The following MEGF6 variants were observed in gnomAD, a reference collection of about 807,000 sequenced individuals.
MEGF6 encodes the protein multiple EGF like domains 6, also known as multiple epidermal growth factor-like domains protein 6.
MEGF6 carries 184 observed loss-of-function variants against 207.1 expected under a neutral mutation model. That is an observed-to-expected ratio of 0.89 (90% CI 0.79 to 1.00). The LOEUF is 1.00. Among genes scored for constraint, MEGF6 ranks in the 50% least tolerant of loss-of-function variants. MEGF6 has a pLI of 0.00. For synonymous variants in MEGF6, 1,038 were observed against 910.0 expected (o/e 1.14, Z -2.53); for missense variants, 2,282 against 2,202.9 (o/e 1.04, Z -0.72).
At position 3,501,162 on chromosome 1, in the gene MEGF6, C is replaced by T. The variant is rs1640845862; in HGVS notation, c.2446+15G>A. On this transcript the variant is annotated intron_variant, in intron 19 of 36. Coordinates refer to ENST00000356575, the MANE Select transcript of MEGF6 (RefSeq NM_001409.4). ...CCCCAGGTCAAAGGCTCAGGGGCAG[C>T]TCCAGCTCACTCACCGTCCTGGCAG... 1.2e-6 allele frequency: 2 copies of T among 1,612,410 alleles called. No individual in the cohort carries two copies. Among genetic ancestry groups the T allele is most frequent in the Admixed American group, 1.7e-5 (1 of 59,984 alleles).
chr1:3,539,285 GC>G (rs1642427431), intron 4 of MEGF6, among the ~76,000 whole-genome samples: 1 of 152,038 alleles, frequency 6.6e-6, no homozygotes, highest in Non-Finnish European at 1.5e-5. Flanking sequence ...CAGGAGGCTG[GC>G]CCCCGGACAG....
rs1643167476 is a variant in MEGF6 at position 3,560,494 on chromosome 1, T to A, written c.481+19331A>T. Among the ~76,000 whole-genome samples, 1 of 152,200 alleles carries A rather than the reference T, an allele frequency of 6.6e-6. No homozygotes were observed. Among genetic ancestry groups the A allele is most frequent in the South Asian group, 2.1e-4 (1 of 4,830 alleles). On this transcript the variant is annotated intron_variant, in intron 4 of 36. Coordinates refer to ENST00000356575, the MANE Select transcript of MEGF6 (RefSeq NM_001409.4). The surrounding 1 kb of genome is among the most constrained non-coding windows in gnomAD (Gnocchi z 4.0). Reference sequence around the variant, plus strand: ...CCTCCTTCCTCACCCCTGGCACCTCTGCTGTCTCTACGGTGTGGCCTTTCC... The same window carrying A: ...CCTCCTTCCTCACCCCTGGCACCTCAGCTGTCTCTACGGTGTGGCCTTTCC...
At chr1:3,504,460 C>G (rs1277990792) in intron 17 of MEGF6, among the ~76,000 whole-genome samples, 1 of 151,978 alleles carries the variant, frequency 6.6e-6, no homozygotes, top group African/African-American at 2.4e-5. Context: ...TCTGCTTGGC[C>G]AGGACCACAC....
Position 3,567,196 on chromosome 1 carries a change from C to T in MEGF6, c.481+12629G>A, listed in dbSNP as rs147188801. Among the ~76,000 whole-genome samples the T allele has an allele frequency of 9.5e-4, 144 of 152,316 alleles. 2 individuals are homozygous for T. The highest frequency in any genetic ancestry group is 6.0e-3 in the South Asian group (29 of 4,828). On this transcript the variant is annotated intron_variant, in intron 4 of 36. Transcript: ENST00000356575. ...AGATGTGAGCAGGAGCCGGGCCACA[C>T]GGCGAAGACAGAGCCCTGGTCCCTC...
At position 3,499,663 on chromosome 1, in the gene MEGF6, C is replaced by T. The variant is rs202076079; in HGVS notation, c.2890G>A (p.Ala964Thr). The T allele has an allele frequency of 2.1e-3, 3,415 of 1,597,592 alleles. 6 individuals are homozygous for T. Among genetic ancestry groups the T allele is most frequent in the Non-Finnish European group, 2.6e-3 (3,087 of 1,173,260 alleles). Residue 964 changes from alanine (A) to threonine (T), a missense_variant, in exon 23 of 37, where the codon GCC (alanine) becomes ACC (threonine). Coordinates refer to ENST00000356575, the MANE Select transcript of MEGF6 (RefSeq NM_001409.4). Reference protein sequence around the residue: ...LDCRSACNCTAGAACDAVNGS... With the variant: ...LDCRSACNCTTGAACDAVNGS... ...TTCACGGCATCACAGGCAGCTCCGGCGGTGCAGTTGCAGGCACTGCGACAG... is the reference window on the plus strand; with the variant it reads ...TTCACGGCATCACAGGCAGCTCCGGTGGTGCAGTTGCAGGCACTGCGACAG...
Position 3,556,664 on chromosome 1 carries a change from T to A in MEGF6, c.481+23161A>T, listed in dbSNP as rs112021723. Among the ~76,000 whole-genome samples the A allele has an allele frequency of 2.0e-5, 3 of 152,114 alleles. No individual in the cohort carries two copies. The highest frequency in any genetic ancestry group is 7.2e-5 in the African/African-American group (3 of 41,414). The stretch of plus-strand genomic sequence containing the variant: ...GAATAGGACTGACCACCAAGCAGAC[T>A]GCAGGCAGCTTAAGAGCTCCATTGT... On this transcript the variant is annotated intron_variant, in intron 4 of 36. Coordinates refer to ENST00000356575, the MANE Select transcript of MEGF6 (RefSeq NM_001409.4). The surrounding 1 kb of genome is among the most constrained non-coding windows in gnomAD (Gnocchi z 4.4).
Position 3,494,649 on chromosome 1 carries a change from A to G in MEGF6, c.3964T>C (p.Cys1322Arg). Reference sequence around the variant, plus strand: ...TGCCGCCCCGTCCAGCCCAGGCCACAGGAGCAGCTGCCGTTGCTGGCGTGG... The same window carrying G: ...TGCCGCCCCGTCCAGCCCAGGCCACGGGAGCAGCTGCCGTTGCTGGCGTGG... ...LCHASNGSCS[C>R]GLGWTGRHCE... The change falls in exon 31 of 37, where the codon TGT becomes CGT. Residue 1322 changes from cysteine (C) to arginine (R), a missense_variant. By Grantham distance (180) the Cys-to-Arg change is radical. Transcript: ENST00000356575. 1.3e-6 allele frequency: 2 copies of G among 1,565,050 alleles called. No homozygotes were observed. The highest frequency in any genetic ancestry group is 1.7e-6 in the Non-Finnish European group (2 of 1,156,314).
At position 3,573,787 on chromosome 1, in the gene MEGF6, G is replaced by A. The variant is rs1019183599; in HGVS notation, c.481+6038C>T. The stretch of plus-strand genomic sequence containing the variant: ...TGGTCGCCAAGAGCAGCCCTGGGTG[G>A]CGTCTGGAGCTCGGGCGAGGGGTCA... On this transcript the variant is annotated intron_variant, in intron 4 of 36. Coordinates refer to ENST00000356575, the MANE Select transcript of MEGF6 (RefSeq NM_001409.4). The surrounding 1 kb of genome is among the most constrained non-coding windows in gnomAD (Gnocchi z 5.1). Among the ~76,000 whole-genome samples, 2 of 152,318 alleles carry A rather than the reference G, an allele frequency of 1.3e-5. No homozygotes were observed. The highest frequency in any genetic ancestry group is 3.9e-4 in the East Asian group (2 of 5,174).
At chr1:3,526,776 G>A (rs1441210058) in intron 4 of MEGF6, among the ~76,000 whole-genome samples, 1 of 152,178 alleles carries the variant, frequency 6.6e-6, no homozygotes, top group Non-Finnish European at 1.5e-5. Context: ...AGGGGCCGCT[G>A]AGAGCCGCCA....
At chr1:3,586,195 CGTGCT>C (rs1643892322) in intron 3 of MEGF6, among the ~76,000 whole-genome samples, 1 of 142,954 alleles carries the variant, frequency 7.0e-6, no homozygotes, top group Non-Finnish European at 1.5e-5. Context: ...TGTGGACACA[CGTGCT>C]GTGTGTGAGG....
rs1330505128 is a variant in MEGF6, at chr1:3,565,219, C to A, written c.481+14606G>T. ...TCCCACTGTGTCCCCGAGGCCTGGG[C>A]AGTTGGGCGTCCCCAGGCGCCTCCT... On this transcript the variant is annotated intron_variant, in intron 4 of 36. Transcript: ENST00000356575. This position sits in a 1 kb window ranked among gnomAD's most constrained non-coding sequence, Gnocchi z 4.8. Among the ~76,000 whole-genome samples the A allele has an allele frequency of 6.6e-6, 1 of 152,092 alleles. No homozygotes were observed. The highest frequency in any genetic ancestry group is 1.5e-5 in the Non-Finnish European group (1 of 68,014).
At chr1:3,538,067 G>A (rs1642387536) in intron 4 of MEGF6, among the ~76,000 whole-genome samples, 1 of 152,186 alleles carries the variant, frequency 6.6e-6, no homozygotes, top group Non-Finnish European at 1.5e-5. Context: ...TCTTTAATCT[G>A]CCTTCGTGGG....
In MEGF6 at chr1:3,494,489, AG is replaced by A; in HGVS notation, c.4010del (p.Pro1337LeufsTer181). On this transcript the variant is annotated frameshift_variant, in exon 32 of 37. Coordinates refer to ENST00000356575, the MANE Select transcript of MEGF6 (RefSeq NM_001409.4). LOFTEE classifies it high-confidence loss of function. ...GATGGCAGGCGGCTCCGTAGCGCCC[AG>A]GGGGACAGGCTGGGGACAGGGCAGG... ...TGRHCELACP[P>X]GRYGAACHLE... is the part of the protein sequence containing the mutation. The A allele has an allele frequency of 6.3e-7, 1 of 1,589,076 alleles. No individual in the cohort carries two copies.
At chr1:3,617,509 G>A in the MEGF6 span, among the ~76,000 whole-genome samples, 13 of 152,304 alleles carry the variant, frequency 8.5e-5, no homozygotes, top group Middle Eastern at 3.4e-3. Flanking sequence ...GCATCAGGAA[G>A]AAGAGCTAAT....
chr1:3,591,656 A>G (rs759220754), intron 3 of MEGF6, among the ~76,000 whole-genome samples: 3 of 148,840 alleles, frequency 2.0e-5, no homozygotes, highest in African/African-American at 5.0e-5. Context: ...CAGAGCTCAC[A>G]AGGGACCTGA....
intron 5 of MEGF6, among the ~76,000 whole-genome samples, chr1:3,523,393 C>A (rs917628392): frequency 6.6e-5 from 10 of 152,168 alleles, no homozygotes; most frequent in Non-Finnish European, 1.0e-4. Flanking sequence ...AGCCCTGTGC[C>A]GGTTCCTAGA....
intron 4 of MEGF6, among the ~76,000 whole-genome samples, chr1:3,533,182 C>CA (rs1642228360): frequency 6.6e-6 from 1 of 152,196 alleles, no homozygotes; most frequent in Non-Finnish European, 1.5e-5. Context: ...CATCCTTGAG[C>CA]GCGTGGGAAA....
chr1:3,510,440 C>T (rs114882676), intron 10 of MEGF6, among the ~76,000 whole-genome samples: 1,802 of 149,562 alleles, frequency 0.012, 38 homozygotes, highest in African/African-American at 0.039. Flanking sequence ...TAGCCCTGCA[C>T]GCAGCAGGCG....
Position 3,508,682 on chromosome 1 carries a change from C to T in MEGF6, c.1536G>A (p.Leu512=). Residue 512 remains leucine, a synonymous_variant, in exon 13 of 37, where the codon CTG becomes CTA. Coordinates refer to ENST00000356575, the MANE Select transcript of MEGF6 (RefSeq NM_001409.4). ...EHTLTEKFVC[L]DDSFGHDCSL... ...TGCAGTCATGGCCAAAGGAGTCATCCAGGCAGACTGGGGGCAGACCAGGAT... is the reference window on the plus strand; with the variant it reads ...TGCAGTCATGGCCAAAGGAGTCATCTAGGCAGACTGGGGGCAGACCAGGAT... The T allele has an allele frequency of 6.2e-7, 1 of 1,613,154 alleles. No individual in the cohort carries two copies. Among genetic ancestry groups the T allele is most frequent in the Non-Finnish European group, 8.5e-7 (1 of 1,179,874 alleles).
Sources: allele counts gnomAD v4.1 joint callset (sites outside exome capture counted in the v4.1 genomes callset), GRCh38; gene constraint gnomAD v4.1.1; non-coding constraint Gnocchi (gnomAD v3.1); transcripts MANE v1.5; gene names NCBI Gene and HGNC (gene_info 2026-07-23, HGNC 2026-07-21).